Variants in FRMD4A observed in about 807,000 individuals in gnomAD.
FRMD4A encodes the protein FERM domain containing 4A.
FRMD4A carries 29 observed loss-of-function variants against 129.1 expected under a neutral mutation model. The observed-to-expected ratio is 0.22, with a 90% CI of 0.17 to 0.31. The LOEUF is 0.31. Among genes scored for constraint, FRMD4A ranks in the 10% least tolerant of loss-of-function variants. The pLI is 1.00. For synonymous variants in FRMD4A, 634 were observed against 571.6 expected (o/e 1.11, Z -1.56); for missense variants, 1,272 against 1,375.8 (o/e 0.92, Z 1.19).
chr10:14,131,841 T>C (rs1343648193), intron 2 of FRMD4A, among the ~76,000 whole-genome samples: 1 of 152,138 alleles, frequency 6.6e-6, no homozygotes, highest in Non-Finnish European at 1.5e-5. Context: ...CATGCACCTC[T>C]GGCCTTTTCT....
chr10:13,978,283 G>A (rs1284999276), intron 2 of FRMD4A, among the ~76,000 whole-genome samples: 1 of 152,166 alleles, frequency 6.6e-6, no homozygotes, highest in Non-Finnish European at 1.5e-5. Flanking sequence ...TAGGGGGCTG[G>A]TGTGCTGTCC....
At chr10:14,317,129 C>T (rs1469726597) in intron 2 of FRMD4A, among the ~76,000 whole-genome samples, 1 of 152,210 alleles carries the variant, frequency 6.6e-6, no homozygotes, top group Non-Finnish European at 1.5e-5. Flanking sequence ...ATTTCTACAT[C>T]TGCACTCTGA....
chr10:13,714,033 T>TATAAAATATATATTTTATATACATATATA (rs1554858946), intron 12 of FRMD4A, among the ~76,000 whole-genome samples: 1 of 24,246 alleles, frequency 4.1e-5, no homozygotes, highest in African/African-American at 1.6e-4. Flanking sequence ...TATACATATA[T>TATAAAATATATATTTTATATACATATATA]ATATATATAT....
chr10:13,964,538 T>G (rs2095471493), intron 2 of FRMD4A, among the ~76,000 whole-genome samples: 1 of 152,142 alleles, frequency 6.6e-6, no homozygotes, highest in East Asian at 1.9e-4. Flanking sequence ...CCAATGAAGC[T>G]TAAACTTCAG....
intron 2 of FRMD4A, among the ~76,000 whole-genome samples, chr10:13,938,857 C>T (rs951744111): frequency 3.3e-5 from 5 of 152,114 alleles, no homozygotes; most frequent in African/African-American, 9.7e-5. Context: ...CAACCTCCAA[C>T]AGAGAAAGAC....
chr10:14,033,506 C>T (rs532345594), intron 2 of FRMD4A, among the ~76,000 whole-genome samples: 16 of 151,690 alleles, frequency 1.1e-4, no homozygotes, highest in African/African-American at 3.1e-4. Flanking sequence ...TGTGATAGGC[C>T]GGGCATGGTG....
intron 2 of FRMD4A, among the ~76,000 whole-genome samples, chr10:14,167,474 T>C (rs914988267): frequency 4.9e-5 from 7 of 143,618 alleles, no homozygotes; most frequent in African/African-American, 1.8e-4. Flanking sequence ...GAGGCAGAAG[T>C]TGCAGTGAGC....
chr10:13,814,844 T>C (rs569508612), intron 3 of FRMD4A, among the ~76,000 whole-genome samples: 4 of 152,030 alleles, frequency 2.6e-5, no homozygotes, highest in African/African-American at 9.6e-5. Context: ...TGGGCCTGAA[T>C]GGAAGGGGGT....
At chr10:14,287,396 T>TTCTGTAATG (rs1564441767) in intron 2 of FRMD4A, among the ~76,000 whole-genome samples, 2 of 152,240 alleles carry the variant, frequency 1.3e-5, no homozygotes, top group Non-Finnish European at 2.9e-5. Context: ...GTTTTACAGT[T>TTCTGTAATG]AGTAGTTACA....
chr10:14,229,426 C>T (rs181781212), intron 2 of FRMD4A, among the ~76,000 whole-genome samples: 1 of 152,192 alleles, frequency 6.6e-6, no homozygotes. Context: ...AAACTAAAAG[C>T]AGCTATGGAA....
intron 4 of FRMD4A, among the ~76,000 whole-genome samples, chr10:13,805,189 G>C (rs1330844095): frequency 6.6e-6 from 1 of 151,690 alleles, no homozygotes; most frequent in Non-Finnish European, 1.5e-5. Context: ...TGTTGCCCAG[G>C]CAGGAGAGCA....
intron 2 of FRMD4A, among the ~76,000 whole-genome samples, chr10:14,270,930 T>TA (rs756653686): frequency 2.6e-5 from 4 of 152,142 alleles, no homozygotes; most frequent in Non-Finnish European, 4.4e-5. Context: ...GGGTAATTTA[T>TA]AAAAAAAGAG....
At chr10:14,184,277 G>T (rs1455687670) in intron 2 of FRMD4A, among the ~76,000 whole-genome samples, 1 of 132,560 alleles carries the variant, frequency 7.5e-6, no homozygotes, top group East Asian at 2.2e-4. Context: ...GATTACAGGT[G>T]CATACCACCA....
At chr10:14,079,979 G>C (rs1835833132) in intron 2 of FRMD4A, among the ~76,000 whole-genome samples, 1 of 152,182 alleles carries the variant, frequency 6.6e-6, no homozygotes. Context: ...CCAACACCAA[G>C]CATAACATGA....
chr10:14,329,103 C>T (rs1278856797), intron 2 of FRMD4A, among the ~76,000 whole-genome samples: 2 of 152,202 alleles, frequency 1.3e-5, no homozygotes, highest in Non-Finnish European at 2.9e-5. Context: ...CAAGTCACCT[C>T]CATAAACTCA....
In FRMD4A at chr10:14,084,784, C is replaced by A. The variant is rs796533407; in HGVS notation, c.46-225872G>T. Among the ~76,000 whole-genome samples, 20 of 152,266 alleles carry A rather than the reference C, an allele frequency of 1.3e-4. No individual in the cohort carries two copies. In the South Asian group the frequency reaches 3.9e-3, roughly 30 times the overall value. The stretch of plus-strand genomic sequence containing the variant: ...CGGGACATATTTGAACTCGTTTGAA[C>A]CAACCCTAAGCCTGCTCAACTGCTT... On this transcript the variant is annotated intron_variant, in intron 2 of 24. Coordinates refer to ENST00000357447, the MANE Select transcript of FRMD4A (RefSeq NM_018027.5).
chr10:13,652,366 G>A (rs1250032102), intron 23 of FRMD4A: 2 of 216,530 alleles, frequency 9.2e-6, no homozygotes, highest in African/African-American at 4.6e-5. Context: ...TTCGGAGCCT[G>A]TTGACAGCCA....
intron 2 of FRMD4A, among the ~76,000 whole-genome samples, chr10:13,867,331 T>A (rs1207871673): frequency 2.6e-5 from 4 of 152,002 alleles, no homozygotes; most frequent in African/African-American, 9.7e-5. Context: ...TGATCACAGC[T>A]CACTGCAACC....
chr10:13,926,607 C>T (rs1171570913), intron 2 of FRMD4A, among the ~76,000 whole-genome samples: 1 of 152,182 alleles, frequency 6.6e-6, no homozygotes, highest in Non-Finnish European at 1.5e-5. Context: ...TCCTTTTGGT[C>T]CACCAGCTGC....
Sources: gnomAD v4.1 joint callset for allele counts (sites outside exome capture counted in the v4.1 genomes callset) on GRCh38, gnomAD v4.1.1 for gene constraint, MANE v1.5 for transcripts, NCBI Gene and HGNC (gene_info 2026-07-23, HGNC 2026-07-21) for gene names.